DLG2: variants seen among roughly 807,000 people sequenced by gnomAD.
The protein encoded by DLG2 is discs large MAGUK scaffold protein 2, also known as disks large homolog 2.
In DLG2, 45 loss-of-function variants were observed where a neutral mutation model predicts 132.5. That is an observed-to-expected ratio of 0.34 (90% CI 0.27 to 0.44). DLG2 has a LOEUF of 0.44. Ranked by LOEUF, DLG2 falls within the 20% of genes least tolerant of loss-of-function variation. DLG2 has a pLI of 1.00. For missense variants in DLG2, 1,045 were observed against 1,196.9 expected, an observed-to-expected ratio of 0.87 and a Z score of 1.87; for synonymous variants, 424 against 419.6, an observed-to-expected ratio of 1.01 and a Z score of -0.13.
chr11:84,072,621 C>T (rs2096773882), intron 10 of DLG2, among the ~76,000 whole-genome samples: 1 of 152,166 alleles, frequency 6.6e-6, no homozygotes, highest in Non-Finnish European at 1.5e-5. Context: ...AGTTTAGTGG[C>T]TGATGAGGTA....
At chr11:85,116,040 C>T (rs1010599718) in intron 5 of DLG2, among the ~76,000 whole-genome samples, 14 of 151,974 alleles carry the variant, frequency 9.2e-5, no homozygotes, top group African/African-American at 2.7e-4. Flanking sequence ...CTTACTCATC[C>T]GTGAGACTCT....
intron 6 of DLG2, among the ~76,000 whole-genome samples, chr11:84,759,566 G>C (rs1403151557): frequency 6.6e-6 from 1 of 152,116 alleles, no homozygotes; most frequent in East Asian, 1.9e-4. Flanking sequence ...TATAAACTCA[G>C]TCAACTGATT....
At chr11:84,732,958 A>C (rs369690980) in intron 6 of DLG2, among the ~76,000 whole-genome samples, 2,475 of 152,204 alleles carry the variant, frequency 0.016, 38 homozygotes, top group African/African-American at 0.036. Context: ...TGTCCCTACA[A>C]AGGACATGAA....
intron 6 of DLG2, among the ~76,000 whole-genome samples, chr11:85,026,141 A>G (rs1415022463): frequency 6.6e-6 from 1 of 152,168 alleles, no homozygotes; most frequent in Non-Finnish European, 1.5e-5. Flanking sequence ...GAAAGTTAAA[A>G]TTTTCAAACA....
intron 7 of DLG2, among the ~76,000 whole-genome samples, chr11:84,468,374 ACT>A (rs1281800934): frequency 1.3e-5 from 2 of 151,192 alleles, no homozygotes; most frequent in Admixed American, 1.3e-4. Context: ...AAATTTTCCC[ACT>A]CTCTGTTCTA....
At chr11:84,846,295 A>G (rs898197947) in intron 6 of DLG2, among the ~76,000 whole-genome samples, 16 of 152,114 alleles carry the variant, frequency 1.1e-4, no homozygotes, top group Non-Finnish European at 1.6e-4. Flanking sequence ...AAACAGAACT[A>G]TAGGTTACCA....
chr11:85,129,816 T>C (rs539756969), intron 5 of DLG2, among the ~76,000 whole-genome samples: 15 of 152,088 alleles, frequency 9.9e-5, no homozygotes, highest in Non-Finnish European at 1.5e-4. Context: ...CAAATGACCA[T>C]CAATGATCAA....
At chr11:83,893,686 T>C (rs1026606846) in intron 15 of DLG2, among the ~76,000 whole-genome samples, 3 of 152,212 alleles carry the variant, frequency 2.0e-5, no homozygotes, top group Non-Finnish European at 2.9e-5. Flanking sequence ...TATTTTCCAA[T>C]TGAGAGTATT....
intron 6 of DLG2, among the ~76,000 whole-genome samples, chr11:84,692,416 T>C (rs1284721103): frequency 6.6e-6 from 1 of 151,752 alleles, no homozygotes; most frequent in Non-Finnish European, 1.5e-5. Context: ...TGCAGAACTA[T>C]CCACTTCGTT....
chr11:85,396,858 G>T, intron 3 of DLG2, among the ~76,000 whole-genome samples: 1 of 152,194 alleles, frequency 6.6e-6, no homozygotes, highest in South Asian at 2.1e-4. Flanking sequence ...CACTCTTCAA[G>T]ATATTATTCA....
In DLG2 at chr11:84,286,226, C is replaced by A. The variant is rs12574776; in HGVS notation, c.520-34935G>T. Among the ~76,000 whole-genome samples the A allele has an allele frequency of 0.017, 2,522 of 152,238 alleles. 213 individuals carry two copies. The East Asian group carries it at 0.26, about 16-fold the overall frequency. On this transcript the variant is annotated intron_variant, in intron 7 of 27. Coordinates refer to ENST00000376104, the MANE Select transcript of DLG2 (RefSeq NM_001142699.3). ...CAGAAATATACACCTAGCTCTATAT[C>A]AAGGGCTGAAAAGCTCAGACTTTAC...
chr11:83,649,767 G>A (rs537849677), intron 18 of DLG2, among the ~76,000 whole-genome samples: 2 of 152,248 alleles, frequency 1.3e-5, no homozygotes, highest in African/African-American at 4.8e-5. Context: ...GAGGGTAGGA[G>A]GAAGGGAGGC....
intron 4 of DLG2, among the ~76,000 whole-genome samples, chr11:85,269,325 T>C (rs1029483432): frequency 2.0e-5 from 3 of 152,210 alleles, no homozygotes; most frequent in African/African-American, 7.2e-5. Flanking sequence ...GTCTTTGCAC[T>C]GTGAAGAGAT....
chr11:84,876,826 A>C (rs568670945), intron 6 of DLG2, among the ~76,000 whole-genome samples: 6 of 152,318 alleles, frequency 3.9e-5, no homozygotes, highest in African/African-American at 1.4e-4. Context: ...ATTTAGTGCT[A>C]TCAATTTCCC....
chr11:85,614,124 G>A (rs1346627864), intron 2 of DLG2, among the ~76,000 whole-genome samples: 1 of 152,132 alleles, frequency 6.6e-6, no homozygotes, highest in Admixed American at 6.6e-5. Flanking sequence ...CACTCACCAC[G>A]AGTATCAGTG....
In DLG2 at chr11:85,467,411, G is replaced by A. The variant is rs192490241; in HGVS notation, c.40+131246C>T. ...CCAGTTTTCAAAGGGAATGCTTCCA[G>A]TTTTTGCCCATTCAGTATGATACTG... On this transcript the variant is annotated intron_variant, in intron 3 of 27. Coordinates refer to ENST00000376104, the MANE Select transcript of DLG2 (RefSeq NM_001142699.3). Among the ~76,000 whole-genome samples the A allele has an allele frequency of 9.6e-3, 1,465 of 152,266 alleles. 19 individuals carry two copies. The highest frequency in any genetic ancestry group is 0.033 in the African/African-American group (1,382 of 41,538).
At chr11:83,631,332 C>A (rs563213058) in intron 19 of DLG2, 1 of 151,804 alleles carries the variant, frequency 6.6e-6, no homozygotes, top group South Asian at 2.1e-4. Context: ...TAAAGTCAGC[C>A]CTCTAGGTAC....
intron 6 of DLG2, among the ~76,000 whole-genome samples, chr11:84,890,446 A>G (rs1339907997): frequency 3.3e-5 from 5 of 152,160 alleles, no homozygotes; most frequent in Non-Finnish European, 7.4e-5. Flanking sequence ...CATTTTTAAC[A>G]GTTTGAATAA....
At chr11:83,492,352 G>T (rs1388795627) in intron 21 of DLG2, among the ~76,000 whole-genome samples, 2 of 151,870 alleles carry the variant, frequency 1.3e-5, no homozygotes, top group Non-Finnish European at 2.9e-5. Flanking sequence ...AGTCTGTTTT[G>T]CTGGATCCCT....
Sources: allele counts gnomAD v4.1 joint callset (sites outside exome capture counted in the v4.1 genomes callset), GRCh38; gene constraint gnomAD v4.1.1; transcripts MANE v1.5; gene names NCBI Gene and HGNC (gene_info 2026-07-23, HGNC 2026-07-21).